Variants in MAB21L3 observed in about 807,000 individuals in gnomAD.
MAB21L3 encodes the protein mab-21 like 3, also known as protein mab-21-like 3.
Under a neutral mutation model 37.7 loss-of-function variants are expected in MAB21L3, and 36 were observed. The observed-to-expected ratio is 0.96, with a 90% CI of 0.73 to 1.26. The LOEUF is 1.26. Ranked by LOEUF, MAB21L3 falls within the 50% of genes most tolerant of loss-of-function variation. The pLI, the probability that MAB21L3 is intolerant of heterozygous loss-of-function variation, is 0.00. For missense variants in MAB21L3, 430 were observed against 447.3 expected (o/e 0.96, Z 0.35); for synonymous variants, 186 against 176.8 (o/e 1.05, Z -0.41).
intron 3 of MAB21L3, among the ~76,000 whole-genome samples, chr1:116,113,798 T>C (rs982523128): frequency 5.3e-5 from 8 of 152,224 alleles, no homozygotes; most frequent in Non-Finnish European, 1.0e-4. Context: ...GCCTGGAAAC[T>C]GTGTGCTGGG....
At chr1:116,119,079 G>A (rs1659669087) in intron 3 of MAB21L3, among the ~76,000 whole-genome samples, 1 of 152,186 alleles carries the variant, frequency 6.6e-6, no homozygotes, top group Admixed American at 6.5e-5. Flanking sequence ...AACACAGATG[G>A]GAAGTCCTAT....
chr1:116,127,253 C>T (rs954209839), intron 5 of MAB21L3, among the ~76,000 whole-genome samples: 8 of 152,234 alleles, frequency 5.3e-5, no homozygotes, highest in East Asian at 1.9e-4. Context: ...AGTAATGTTC[C>T]GATGCTGGCT....
At chr1:116,131,817 A>C (rs537469679) in intron 7 of MAB21L3, among the ~76,000 whole-genome samples, 1 of 152,316 alleles carries the variant, frequency 6.6e-6, no homozygotes, top group South Asian at 2.1e-4. Flanking sequence ...TGGCAAGAAC[A>C]GGGATGGGCT....
chr1:116,133,037 C>T, intron 7 of MAB21L3, 95 bp from the exon 8 acceptor site: 1 of 1,044,278 alleles, frequency 9.6e-7, no homozygotes. Flanking sequence ...CTCTTTTCTC[C>T]CTCCTTCCAA....
rs1369819757 is a variant in MAB21L3, at chr1:116,111,655, G to A, written c.-365G>A. ...AAAACTAGCCCCAGCCAGCCCAACT[G>A]GGAATTTACTGCCTGAGCTGTTTTC... On this transcript the variant is annotated 5_prime_UTR_variant, in exon 2 of 8. Transcript: ENST00000369500. 1 of 151,668 alleles carries A rather than the reference G, an allele frequency of 6.6e-6. No individual in the cohort carries two copies. Among genetic ancestry groups the A allele is most frequent in the Non-Finnish European group, 1.5e-5 (1 of 67,926 alleles). 9.4% of individuals were successfully genotyped at this position (151,668 alleles called of 1,614,324 possible). A position where few individuals can be genotyped will look rare whatever the true frequency, so the allele number is the denominator to read the frequency against.
intron 7 of MAB21L3, 130 bp from the exon 8 acceptor site, chr1:116,133,002 T>C (rs76861838): frequency 0.023 from 17,402 of 746,340 alleles, 291 homozygotes; most frequent in South Asian, 0.044. Context: ...TGTGAATTCA[T>C]GGTAGATCCA....
chr1:116,125,425 C>T (rs552406285), intron 5 of MAB21L3, among the ~76,000 whole-genome samples: 1 of 152,166 alleles, frequency 6.6e-6, no homozygotes, highest in Non-Finnish European at 1.5e-5. Flanking sequence ...AAATGGCTAA[C>T]AAAGGAAAAT....
At position 116,133,155 on chromosome 1, in the gene MAB21L3, G is replaced by C. The variant is rs759318958; in HGVS notation, c.879G>C (p.Glu293Asp). The change falls in exon 8 of 8, where the codon GAG becomes GAC. Residue 293 changes from glutamate (E) to aspartate (D), a missense_variant. Coordinates refer to ENST00000369500, the MANE Select transcript of MAB21L3 (RefSeq NM_152367.3). ...AGACTGTGCTCTTTTGGACCTGCGA[G>C]AAATATCCCCACTTTAAAGACTGGC... is the stretch of plus-strand genomic sequence containing the variant. ...HLQTVLFWTC[E>D]KYPHFKDWQV... 2 of 1,614,092 alleles carry C rather than the reference G, an allele frequency of 1.2e-6. No homozygotes were observed. Among genetic ancestry groups the C allele is most frequent in the South Asian group, 2.2e-5 (2 of 91,090 alleles).
In MAB21L3 at chr1:116,138,124, TA is replaced by T. The variant is rs552844194; in HGVS notation, c.*4770del. Among the ~76,000 whole-genome samples, 1,533 of 145,610 alleles carry T rather than the reference TA, an allele frequency of 0.011. 22 individuals are homozygous for T. The highest frequency in any genetic ancestry group is 0.035 in the African/African-American group (1,407 of 39,900). On this transcript the variant is annotated 3_prime_UTR_variant, in exon 8 of 8. Coordinates refer to ENST00000369500, the MANE Select transcript of MAB21L3 (RefSeq NM_152367.3). Reference sequence around the variant, plus strand: ...TGTACCCTAAAACTTAAAGTATGATTAAAAAAAAAAAGTACTGTAACCAAAT... The same window carrying T: ...TGTACCCTAAAACTTAAAGTATGATTAAAAAAAAAAGTACTGTAACCAAAT...
At chr1:116,132,172 C>A (rs1172980141) in intron 7 of MAB21L3, among the ~76,000 whole-genome samples, 2 of 152,008 alleles carry the variant, frequency 1.3e-5, no homozygotes, top group Non-Finnish European at 2.9e-5. Flanking sequence ...GCAAGTCATT[C>A]ATATGTAGTG....
At chr1:116,119,138 A>C (rs1261922590) in intron 3 of MAB21L3, among the ~76,000 whole-genome samples, 2 of 152,130 alleles carry the variant, frequency 1.3e-5, no homozygotes, top group Non-Finnish European at 2.9e-5. Context: ...TATTTTTGTC[A>C]TTTGTTATTT....
chr1:116,124,009 C>T, intron 4 of MAB21L3, 57 bp from the exon 5 acceptor site: 1 of 1,533,682 alleles, frequency 6.5e-7, no homozygotes, highest in Non-Finnish European at 8.8e-7. Context: ...CCCAGGACTT[C>T]CGTTACCTCC....
At chr1:116,120,353 T>C (rs1263931951) in intron 3 of MAB21L3, among the ~76,000 whole-genome samples, 2 of 150,106 alleles carry the variant, frequency 1.3e-5, no homozygotes, top group Non-Finnish European at 2.9e-5. Flanking sequence ...TAGTCCCTTA[T>C]CATATTTTAT....
At position 116,133,316 on chromosome 1, in the gene MAB21L3, C is replaced by T; in HGVS notation, c.1040C>T (p.Ala347Val). 1 of 1,614,194 alleles carries T rather than the reference C, an allele frequency of 6.2e-7. No individual in the cohort carries two copies. Among genetic ancestry groups the T allele is most frequent in the Non-Finnish European group, 8.5e-7 (1 of 1,180,020 alleles). ...CTNPTELDTV[A>V]QKLATFLKNP... ...AACCCGACTGAACTGGACACTGTGG[C>T]CCAAAAGCTGGCCACCTTCCTGAAG... is the stretch of plus-strand genomic sequence containing the variant. Residue 347 changes from alanine (A) to valine (V), a missense_variant, in exon 8 of 8, where the codon GCC becomes GTC. By Grantham distance (64) the Ala-to-Val change is moderately conservative (BLOSUM62 0). Transcript: ENST00000369500.
chr1:116,128,228 G>T lies in MAB21L3; in HGVS notation c.744G>T (p.Gln248His). Reference sequence around the variant, plus strand: ...GTGCTGAGCAGGTGTTACTGGAACAGCTGGATGAAGATGGGGGCTGCCGTA... The same window carrying T: ...GTGCTGAGCAGGTGTTACTGGAACATCTGGATGAAGATGGGGGCTGCCGTA... ...FLRAEQVLLE[Q>H]LDEDGGCRRK... The change falls in exon 7 of 8, where the codon CAG becomes CAT. Residue 248 changes from glutamine (Q) to histidine (H), a missense_variant. Coordinates refer to ENST00000369500, the MANE Select transcript of MAB21L3 (RefSeq NM_152367.3). 1 of 1,614,124 alleles carries T rather than the reference G, an allele frequency of 6.2e-7. No homozygotes were observed. Among genetic ancestry groups the T allele is most frequent in the Admixed American group, 1.7e-5 (1 of 60,022 alleles).
intron 7 of MAB21L3, among the ~76,000 whole-genome samples, chr1:116,128,904 CT>C (rs1659988978): frequency 6.6e-6 from 1 of 152,222 alleles, no homozygotes; most frequent in African/African-American, 2.4e-5. Context: ...TCTTCCCTTG[CT>C]CTGCCAGCCC....
At chr1:116,124,011 G>A (rs780374811) in intron 4 of MAB21L3, 55 bp from the exon 5 acceptor site, 125 of 1,535,884 alleles carry the variant, frequency 8.1e-5, no homozygotes, top group Non-Finnish European at 1.0e-4. Flanking sequence ...CAGGACTTCC[G>A]TTACCTCCCG....
rs367739546 is a variant in MAB21L3, at chr1:116,127,644, G to A, written c.660G>A (p.Lys220=). 6.2e-7 allele frequency: 1 copy of A among 1,610,282 alleles called. No individual in the cohort carries two copies. The highest frequency in any genetic ancestry group is 1.3e-5 in the African/African-American group (1 of 74,938). The change falls in exon 6 of 8, where the codon AAG becomes AAA. Residue 220 remains lysine (K), a splice_region_variant and synonymous_variant. Coordinates refer to ENST00000369500, the MANE Select transcript of MAB21L3 (RefSeq NM_152367.3). ...CCCAAGAGAGAGTGGAGTGCATCAA[G>A]GTATCAGTGGGCGGGACCCAGCTTG... ...WPSQERVECI[K]SFGFNLLACS... is the part of the protein sequence containing the mutation.
intron 6 of MAB21L3, 21 bp from the exon 7 acceptor site, chr1:116,128,124 A>G: frequency 6.2e-7 from 1 of 1,601,074 alleles, no homozygotes; most frequent in Non-Finnish European, 8.5e-7. Context: ...TTATTTCCCA[A>G]TATTTTTCTC....
Sources: gnomAD v4.1 joint callset for allele counts (sites outside exome capture counted in the v4.1 genomes callset) on GRCh38, gnomAD v4.1.1 for gene constraint, MANE v1.5 for transcripts, NCBI Gene and HGNC (gene_info 2026-07-23, HGNC 2026-07-21) for gene names.